The following ARHGEF11 variants were observed in gnomAD, a reference collection of about 807,000 sequenced individuals.
ARHGEF11 encodes the protein Rho guanine nucleotide exchange factor 11.
ARHGEF11 carries 55 observed loss-of-function variants against 193.7 expected under a neutral mutation model. The observed-to-expected ratio is 0.28, with a 90% CI of 0.23 to 0.36. The LOEUF (loss-of-function observed/expected upper bound fraction) is 0.36, where lower values mean the gene tolerates loss of function less well. Among genes scored for constraint, ARHGEF11 ranks in the 10% least tolerant of loss-of-function variants. The pLI, the probability that ARHGEF11 is intolerant of heterozygous loss-of-function variation, is 1.00. For synonymous variants in ARHGEF11, 693 were observed against 768.0 expected, an observed-to-expected ratio of 0.90 and a Z score of 1.62; for missense variants, 1,723 against 2,005.6, an observed-to-expected ratio of 0.86 and a Z score of 2.69.
At chr1:157,045,967 G>A (rs1490430657), upstream of ARHGEF11, among the ~76,000 whole-genome samples, 1 of 150,428 alleles carries the variant, frequency 6.6e-6, no homozygotes, top group South Asian at 2.1e-4. Context: ...GGGGGCGGGG[G>A]CGGGAAGCTG....
Position 156,948,262 on chromosome 1 carries a change from T to TA in ARHGEF11, c.2106-35dup, listed in dbSNP as rs1557840050. The TA allele has an allele frequency of 6.2e-7, 1 of 1,603,664 alleles. No individual in the cohort carries two copies. The highest frequency in any genetic ancestry group is 8.5e-7 in the Non-Finnish European group (1 of 1,172,160). ...GGAATGTCAACTCTCAGCAACCCTCTATCCTTGCCGCCACCCCTGAGATGT... is the reference window on the plus strand; with the variant it reads ...GGAATGTCAACTCTCAGCAACCCTCTAATCCTTGCCGCCACCCCTGAGATGT... On this transcript the variant is annotated intron_variant, in intron 23 of 40. Coordinates refer to ENST00000368194, the MANE Select transcript of ARHGEF11 (RefSeq NM_198236.3). The surrounding 1 kb of genome is among the most constrained non-coding windows in gnomAD (Gnocchi z 4.2).
At position 156,963,185 on chromosome 1, in the gene ARHGEF11, CAG is replaced by C; in HGVS notation, c.1140+16_1140+17del. ...AGTACCAGCAGGCACTCAATCAAGA[CAG>C]ATGATTCTGACTTACCAGTGGACTG... is the stretch of plus-strand genomic sequence containing the variant. On this transcript the variant is annotated intron_variant, in intron 13 of 40. Transcript: ENST00000368194. 6.3e-7 allele frequency: 1 copy of C among 1,594,682 alleles called. No homozygotes were observed. The highest frequency in any genetic ancestry group is 8.6e-7 in the Non-Finnish European group (1 of 1,162,642).
chr1:156,936,114 A>G (rs1557805374), intron 40 of ARHGEF11, 56 bp from the exon 41 acceptor site: 2 of 1,555,350 alleles, frequency 1.3e-6, no homozygotes, highest in Admixed American at 1.7e-5. Flanking sequence ...CCGCTTCCAC[A>G]TGTTTTGTCT....
chr1:156,983,077 TC>T (rs1664416347), intron 3 of ARHGEF11, among the ~76,000 whole-genome samples: 1 of 152,192 alleles, frequency 6.6e-6, no homozygotes, highest in Non-Finnish European at 1.5e-5. Flanking sequence ...CCCAATCCCT[TC>T]CTTGTGCTCT....
At chr1:157,017,937 T>A (rs561226060) in intron 1 of ARHGEF11, among the ~76,000 whole-genome samples, 1 of 152,054 alleles carries the variant, frequency 6.6e-6, no homozygotes, top group East Asian at 1.9e-4. Context: ...AGCAAGCTGA[T>A]TCTAAAATCC....
chr1:157,035,787 T>C (rs966221899), intron 1 of ARHGEF11, among the ~76,000 whole-genome samples: 5 of 121,398 alleles, frequency 4.1e-5, no homozygotes, highest in African/African-American at 1.5e-4. Flanking sequence ...AATATATATA[T>C]ATAGGAATAT....
intron 1 of ARHGEF11, among the ~76,000 whole-genome samples, chr1:157,029,310 C>T (rs1014259379): frequency 6.6e-6 from 1 of 151,600 alleles, no homozygotes. Flanking sequence ...TGCTCTGTTG[C>T]CCAGGCTAGA....
chr1:156,973,448 T>C (rs980929507), intron 7 of ARHGEF11, among the ~76,000 whole-genome samples: 2 of 152,242 alleles, frequency 1.3e-5, no homozygotes, highest in African/African-American at 4.8e-5. Context: ...CTCTCCTCTC[T>C]GTACTGGTGT....
At position 156,936,851 on chromosome 1, in the gene ARHGEF11, C is replaced by T. The variant is rs766162519; in HGVS notation, c.4595G>A (p.Arg1532Lys). Residue 1532 changes from arginine to lysine, a missense_variant, in exon 40 of 41, where the codon AGG becomes AAG. Transcript: ENST00000368194. ...GCAGGGCCCCAGTTCATGGCTGTTC[C>T]TGGAGTCAGAAGCTAGGGGCTCCTT... ...PAKEPLASDS[R>K]NSHELGPCPE... 2 of 1,613,974 alleles carry T rather than the reference C, an allele frequency of 1.2e-6. No individual in the cohort carries two copies. Among genetic ancestry groups the T allele is most frequent in the South Asian group, 2.2e-5 (2 of 91,070 alleles).
rs1213483504 is a variant in ARHGEF11, at chr1:156,941,359, T to A, written c.3514+13A>T. ...CCTGGGCTGGCTCCCACAGGACAGT[T>A]CAGGGCCCTTACCTCCAGGCAGCTC... On this transcript the variant is annotated intron_variant, in intron 35 of 40. Transcript: ENST00000368194. 1 of 1,612,638 alleles carries A rather than the reference T, an allele frequency of 6.2e-7. No individual in the cohort carries two copies. Among genetic ancestry groups the A allele is most frequent in the Admixed American group, 1.7e-5 (1 of 59,946 alleles).
At chr1:156,990,183 T>C (rs901818623) in intron 1 of ARHGEF11, among the ~76,000 whole-genome samples, 5 of 152,258 alleles carry the variant, frequency 3.3e-5, no homozygotes, top group African/African-American at 1.2e-4. Flanking sequence ...TTGTCTCTCA[T>C]AACACTGACA....
intron 11 of ARHGEF11, among the ~76,000 whole-genome samples, chr1:156,964,281 T>A (rs1384860842): frequency 6.6e-6 from 1 of 152,252 alleles, no homozygotes; most frequent in Non-Finnish European, 1.5e-5. Flanking sequence ...TTAATGGACA[T>A]GCCATGGATT....
chr1:156,955,135 T>C (rs936285748), intron 20 of ARHGEF11, among the ~76,000 whole-genome samples: 1 of 152,138 alleles, frequency 6.6e-6, no homozygotes, highest in African/African-American at 2.4e-5. Context: ...CCCATTGATA[T>C]TGGGGGGCTT....
At chr1:156,937,038 G>A (rs1469944611) in intron 39 of ARHGEF11, 33 bp from the exon 40 acceptor site, 2 of 1,605,580 alleles carry the variant, frequency 1.2e-6, no homozygotes, top group South Asian at 1.1e-5. Flanking sequence ...GTCTGCTCGA[G>A]TCCTTCTATT....
rs1444743364 is a variant in ARHGEF11, at chr1:156,947,752, G to C, written c.2341+17C>G. On this transcript the variant is annotated intron_variant, in intron 25 of 40. Coordinates refer to ENST00000368194, the MANE Select transcript of ARHGEF11 (RefSeq NM_198236.3). ...ACACGTGTGAGCGGAGCTGGGGGCAGTGGAGCACGTTCTCACCATTGATGA... is the reference window on the plus strand; with the variant it reads ...ACACGTGTGAGCGGAGCTGGGGGCACTGGAGCACGTTCTCACCATTGATGA... 1 of 1,611,170 alleles carries C rather than the reference G, an allele frequency of 6.2e-7. No individual in the cohort carries two copies. Among genetic ancestry groups the C allele is most frequent in the African/African-American group, 1.3e-5 (1 of 74,856 alleles).
In ARHGEF11 at chr1:157,039,524, C is replaced by G. The variant is rs528638335; in HGVS notation, c.32+4775G>C. On this transcript the variant is annotated intron_variant, in intron 1 of 40. Coordinates refer to ENST00000368194, the MANE Select transcript of ARHGEF11 (RefSeq NM_198236.3). ...AAGTTATACTTTTTTCTTTTTGAGA[C>G]CAGGATCAGCAACTTCTTCAGTACG... is the stretch of plus-strand genomic sequence containing the variant. Among the ~76,000 whole-genome samples, 7 of 152,158 alleles carry G rather than the reference C, an allele frequency of 4.6e-5. No homozygotes were observed. The East Asian group carries it at 1.4e-3, about 29-fold the overall frequency.
At chr1:156,969,206 T>C (rs1571296595) in intron 10 of ARHGEF11, 76 bp downstream of exon 10, 10 of 1,200,786 alleles carry the variant, frequency 8.3e-6, no homozygotes, top group Non-Finnish European at 1.1e-5. Context: ...GTGCAGCTGG[T>C]AGGCAGCAGA....
rs370925833 is a variant in ARHGEF11 at position 156,964,022 on chromosome 1, T to G, written c.964-428A>C. ...CCTCCAAACCTAGTGTCTACCACAG[T>G]GCTACTGAACAGTTATTCTGTGCCT... On this transcript the variant is annotated intron_variant, in intron 11 of 40. Coordinates refer to ENST00000368194, the MANE Select transcript of ARHGEF11 (RefSeq NM_198236.3). 7.2e-5 allele frequency among the ~76,000 whole-genome samples: 11 copies of G among 152,302 alleles called. No homozygotes were observed. The East Asian group carries it at 1.9e-3, about 27-fold the overall frequency.
intron 1 of ARHGEF11, among the ~76,000 whole-genome samples, chr1:157,011,133 A>G (rs914815235): frequency 6.6e-6 from 1 of 152,238 alleles, no homozygotes; most frequent in Non-Finnish European, 1.5e-5. Flanking sequence ...TGCGACTGGC[A>G]TAAGGATAGA....
Sources: gnomAD v4.1 joint callset for allele counts (sites outside exome capture counted in the v4.1 genomes callset) on GRCh38, gnomAD v4.1.1 for gene constraint, Gnocchi (gnomAD v3.1) non-coding constraint, MANE v1.5 for transcripts, NCBI Gene and HGNC (gene_info 2026-07-23, HGNC 2026-07-21) for gene names.